PAQR4: variants seen among roughly 807,000 people sequenced by gnomAD.
PAQR4 encodes the protein progestin and adipoQ receptor family member 4.
In PAQR4, 26 loss-of-function variants were observed where a neutral mutation model predicts 20.9. The observed-to-expected ratio is 1.24, with a 90% CI of 0.91 to 1.73. The LOEUF is 1.73. Ranked by LOEUF, PAQR4 falls within the 40% of genes most tolerant of loss-of-function variation. The probability of loss-of-function intolerance (pLI) is 0.00; values close to 1 mark genes in which losing one functional copy is unlikely to be tolerated. For missense variants in PAQR4, 400 were observed against 380.1 expected (o/e 1.05, Z -0.44); for synonymous variants, 193 against 171.6 (o/e 1.12, Z -0.97).
In PAQR4 at chr16:2,971,361, G is replaced by A; in HGVS notation, c.371G>A (p.Cys124Tyr). The A allele has an allele frequency of 3.1e-6, 5 of 1,609,804 alleles. No individual in the cohort carries two copies. Among genetic ancestry groups the A allele is most frequent in the Non-Finnish European group, 4.2e-6 (5 of 1,179,950 alleles). The change falls in exon 2 of 3, where the codon TGC becomes TAC. Residue 124 changes from cysteine (C) to tyrosine (Y), a missense_variant. Cys to Tyr is a radical substitution (Grantham distance 194). Coordinates refer to ENST00000318782, the MANE Select transcript of PAQR4 (RefSeq NM_152341.5). ...CTCGCCCTGGACATGTGTGGGGTCT[G>A]CCTTGTCAACACCCTTGGTGAGTCA... ...RLLALDMCGV[C>Y]LVNTLGALPI... is the part of the protein sequence containing the mutation.
chr16:2,972,461 A>T lies in PAQR4; in HGVS notation c.*513A>T. On this transcript the variant is annotated 3_prime_UTR_variant, in exon 3 of 3. Coordinates refer to ENST00000318782, the MANE Select transcript of PAQR4 (RefSeq NM_152341.5). ...TATGGAGTAAGGCATTCAGGACAAA[A>T]GGACCAAGGGGGCGTGGACCCGTCT... 1 of 697,872 alleles carries T rather than the reference A, an allele frequency of 1.4e-6. No homozygotes were observed. The allele number at this position is 697,872 out of a possible 1,614,324, so 43.2% of individuals were successfully genotyped here.
At position 2,971,862 on chromosome 16, in the gene PAQR4, C is replaced by T. The variant is rs763776105; in HGVS notation, c.736C>T (p.Leu246=). Residue 246 remains leucine, a synonymous_variant, in exon 3 of 3, where the codon CTG becomes TTG. Transcript: ENST00000318782. ...WGNSHQIMHL[L]SVGSILQLHA... ...CAACTCCCACCAGATCATGCACCTG[C>T]TGAGCGTGGGCTCCATCCTGCAGCT... 5.0e-6 allele frequency: 8 copies of T among 1,612,042 alleles called. No individual in the cohort carries two copies. Among genetic ancestry groups the T allele is most frequent in the Non-Finnish European group, 6.8e-6 (8 of 1,179,888 alleles).
rs1164830020 is a variant in PAQR4 at position 2,969,670 on chromosome 16, G to A, written c.-5G>A. 1.3e-6 allele frequency: 2 copies of A among 1,548,466 alleles called. No homozygotes were observed. Among genetic ancestry groups the A allele is most frequent in the Non-Finnish European group, 1.7e-6 (2 of 1,150,380 alleles). ...GGAGCACGGGCTGCCCGCGCGGTGC[G>A]GACCATGGCGTTCCTGGCCGGGCCG... On this transcript the variant is annotated 5_prime_UTR_variant, in exon 1 of 3. Transcript: ENST00000318782.
chr16:2,971,469 G>C (rs1031008957), intron 2 of PAQR4, 46 bp from the exon 3 acceptor site: 24 of 1,572,888 alleles, frequency 1.5e-5, no homozygotes, highest in Non-Finnish European at 2.0e-5. Flanking sequence ...AGGGCGGGTG[G>C]ACCCTCACAA....
In PAQR4 at chr16:2,971,850, A is replaced by T. The variant is rs143576357; in HGVS notation, c.724A>T (p.Ile242Phe). 1.1e-5 allele frequency: 17 copies of T among 1,612,302 alleles called. No homozygotes were observed. Among genetic ancestry groups the T allele is most frequent in the Non-Finnish European group, 1.4e-5 (17 of 1,179,910 alleles). The change falls in exon 3 of 3, where the codon ATC (isoleucine) becomes TTC (phenylalanine). Residue 242 changes from isoleucine to phenylalanine, a missense_variant. Coordinates refer to ENST00000318782, the MANE Select transcript of PAQR4 (RefSeq NM_152341.5). ...TGACTACTGGGGCAACTCCCACCAGATCATGCACCTGCTGAGCGTGGGCTC... is the reference window on the plus strand; with the variant it reads ...TGACTACTGGGGCAACTCCCACCAGTTCATGCACCTGCTGAGCGTGGGCTC... Reference protein sequence around the residue: ...RFDYWGNSHQIMHLLSVGSIL... With the variant: ...RFDYWGNSHQFMHLLSVGSIL...
intron 1 of PAQR4, 66 bp from the exon 2 acceptor site, chr16:2,971,091 T>C (rs1294952307): frequency 1.4e-5 from 21 of 1,494,236 alleles, no homozygotes; most frequent in Non-Finnish European, 1.9e-5. Flanking sequence ...CTGTGTTGTG[T>C]CTGAACCGTG....
At position 2,972,140 on chromosome 16, in the gene PAQR4, C is replaced by T; in HGVS notation, c.*192C>T. The T allele has an allele frequency of 1.7e-6, 1 of 599,588 alleles. No homozygotes were observed. Among genetic ancestry groups the T allele is most frequent in the Non-Finnish European group, 2.8e-6 (1 of 351,016 alleles). 37.1% of individuals were successfully genotyped at this position (599,588 alleles called of 1,614,324 possible). On this transcript the variant is annotated 3_prime_UTR_variant, in exon 3 of 3. Coordinates refer to ENST00000318782, the MANE Select transcript of PAQR4 (RefSeq NM_152341.5). ...ACGCCGTGGCGCTCCAACTTCCTTC[C>T]CTGCCTTTTCCCTCCAAGCTCCTAT...
rs1414434325 is a variant in PAQR4 at position 2,973,196 on chromosome 16, C to T, written c.*1248C>T. On this transcript the variant is annotated 3_prime_UTR_variant, in exon 3 of 3. Coordinates refer to ENST00000318782, the MANE Select transcript of PAQR4 (RefSeq NM_152341.5). ...CTCCCCACAGTCCGGGCCAGGACAG[C>T]CTCAGGGGAGAGTGAAGGCCTGCAG... is the stretch of plus-strand genomic sequence containing the variant. The T allele has an allele frequency of 1.3e-6, 2 of 1,515,136 alleles. No homozygotes were observed. The highest frequency in any genetic ancestry group is 1.4e-5 in the African/African-American group (1 of 72,896). 93.9% of individuals were successfully genotyped at this position (1,515,136 alleles called of 1,614,324 possible). A position where few individuals can be genotyped will look rare whatever the true frequency, so the allele number is the denominator to read the frequency against.
In PAQR4 at chr16:2,969,465, C is replaced by T; in HGVS notation, c.-210C>T. On this transcript the variant is annotated 5_prime_UTR_variant, in exon 1 of 3. Transcript: ENST00000318782. Reference sequence around the variant, plus strand: ...TCCGGTGCGTCCCCAGCCTCCGCCCCGGCGCGGGGGCGACGGACTCGCGCG... The same window carrying T: ...TCCGGTGCGTCCCCAGCCTCCGCCCTGGCGCGGGGGCGACGGACTCGCGCG... 3.1e-6 allele frequency: 1 copy of T among 319,532 alleles called. No homozygotes were observed. Among genetic ancestry groups the T allele is most frequent in the Non-Finnish European group, 5.3e-6 (1 of 189,210 alleles). 19.8% of individuals were successfully genotyped at this position (319,532 alleles called of 1,614,324 possible). A position where few individuals can be genotyped will look rare whatever the true frequency, so the allele number is the denominator to read the frequency against.
Position 2,971,686 on chromosome 16 carries a change from T to C in PAQR4, c.560T>C (p.Val187Ala), listed in dbSNP as rs766141319. 4 of 1,611,962 alleles carry C rather than the reference T, an allele frequency of 2.5e-6. No individual in the cohort carries two copies. In the South Asian group the frequency reaches 3.3e-5, roughly 13 times the overall value. Residue 187 changes from valine to alanine, a missense_variant, in exon 3 of 3, where the codon GTA becomes GCA. Transcript: ENST00000318782. ...TGGCAGGCTGCTGCCCGCCTACTGG[T>C]ATTTGGGGCCCGGGGAGTGGGTCTG... ...FGWQAAARLL[V>A]FGARGVGLGS...
rs2072003778 is a variant in PAQR4 at position 2,971,846 on chromosome 16, C to A, written c.720C>A (p.His240Gln). Residue 240 changes from histidine (H) to glutamine (Q), a missense_variant, in exon 3 of 3, where the codon CAC becomes CAA. His to Gln is a conservative substitution (Grantham distance 24). Coordinates refer to ENST00000318782, the MANE Select transcript of PAQR4 (RefSeq NM_152341.5). ...PGRFDYWGNS[H>Q]QIMHLLSVGS... ...GCTTTGACTACTGGGGCAACTCCCA[C>A]CAGATCATGCACCTGCTGAGCGTGG... 1 of 1,612,356 alleles carries A rather than the reference C, an allele frequency of 6.2e-7. No homozygotes were observed. Among genetic ancestry groups the A allele is most frequent in the East Asian group, 2.2e-5 (1 of 44,896 alleles).
rs759127970 is a variant in PAQR4, at chr16:2,969,791, G to A, written c.117G>A (p.Leu39=). The stretch of plus-strand genomic sequence containing the variant: ...CCGCCAGCAGCGGCTCGGGCTGCCT[G>A]CGCAGCCTCTTCTACCTGCACAACG... The part of the protein sequence containing the change: ...YRPASSGSGC[L]RSLFYLHNEL... Residue 39 remains leucine (L), a synonymous_variant, in exon 1 of 3, where the codon CTG becomes CTA. Transcript: ENST00000318782. 6.2e-7 allele frequency: 1 copy of A among 1,607,394 alleles called. No homozygotes were observed. Among genetic ancestry groups the A allele is most frequent in the Admixed American group, 1.7e-5 (1 of 59,762 alleles).
At chr16:2,970,830 G>A (rs768309719) in intron 1 of PAQR4, 1 of 513,074 alleles carries the variant, frequency 1.9e-6, no homozygotes, top group East Asian at 3.4e-5. Context: ...GGGGAGAGCA[G>A]TGTGGGAGTG....
rs1470890258 is a variant in PAQR4, at chr16:2,972,337, G to A, written c.*389G>A. Reference sequence around the variant, plus strand: ...CACCCTATCCTGTTCCTCCCACCAGGCCTGTGGCCAGTCTTCCTGATCTCC... The same window carrying A: ...CACCCTATCCTGTTCCTCCCACCAGACCTGTGGCCAGTCTTCCTGATCTCC... On this transcript the variant is annotated 3_prime_UTR_variant, in exon 3 of 3. Transcript: ENST00000318782. The A allele has an allele frequency of 1.1e-5, 6 of 524,910 alleles. No individual in the cohort carries two copies. Among genetic ancestry groups the A allele is most frequent in the Non-Finnish European group, 2.0e-5 (6 of 294,764 alleles). 32.5% of individuals were successfully genotyped at this position (524,910 alleles called of 1,614,324 possible).
rs751216827 is a variant in PAQR4, at chr16:2,969,725, G to C, written c.51G>C (p.Pro17=). The part of the protein sequence containing the change: ...PRLLDWASSP[P]HLQFNKFVLT... Reference sequence around the variant, plus strand: ...TGCTGGACTGGGCCAGCTCGCCGCCGCACCTGCAGTTCAATAAGTTCGTGC... The same window carrying C: ...TGCTGGACTGGGCCAGCTCGCCGCCCCACCTGCAGTTCAATAAGTTCGTGC... Residue 17 remains proline (P), a synonymous_variant, in exon 1 of 3, where the codon CCG becomes CCC. Coordinates refer to ENST00000318782, the MANE Select transcript of PAQR4 (RefSeq NM_152341.5). The C allele has an allele frequency of 6.2e-7, 1 of 1,606,762 alleles. No individual in the cohort carries two copies. The highest frequency in any genetic ancestry group is 8.5e-7 in the Non-Finnish European group (1 of 1,177,378).
rs763856642 is a variant in PAQR4, at chr16:2,969,800, C to A, written c.126C>A (p.Leu42=). 2.5e-6 allele frequency: 4 copies of A among 1,610,976 alleles called. No individual in the cohort carries two copies. The highest frequency in any genetic ancestry group is 3.4e-6 in the Non-Finnish European group (4 of 1,179,146). Residue 42 remains leucine (L), a synonymous_variant, in exon 1 of 3, where the codon CTC becomes CTA. Coordinates refer to ENST00000318782, the MANE Select transcript of PAQR4 (RefSeq NM_152341.5). ...ASSGSGCLRS[L]FYLHNELGNI... ...GCGGCTCGGGCTGCCTGCGCAGCCT[C>A]TTCTACCTGCACAACGAACTGGGCA... is the stretch of plus-strand genomic sequence containing the variant.
Position 2,973,195 on chromosome 16 carries a change from G to A in PAQR4, c.*1247G>A, listed in dbSNP as rs367908024. On this transcript the variant is annotated 3_prime_UTR_variant, in exon 3 of 3. Transcript: ENST00000318782. Reference sequence around the variant, plus strand: ...GCTCCCCACAGTCCGGGCCAGGACAGCCTCAGGGGAGAGTGAAGGCCTGCA... The same window carrying A: ...GCTCCCCACAGTCCGGGCCAGGACAACCTCAGGGGAGAGTGAAGGCCTGCA... 1 of 1,514,662 alleles carries A rather than the reference G, an allele frequency of 6.6e-7. No homozygotes were observed. Among genetic ancestry groups the A allele is most frequent in the African/African-American group, 1.4e-5 (1 of 73,016 alleles). 93.8% of individuals were successfully genotyped at this position (1,514,662 alleles called of 1,614,324 possible).
Position 2,969,664 on chromosome 16 carries a change from C to T in PAQR4, c.-11C>T. 6.6e-7 allele frequency: 1 copy of T among 1,518,360 alleles called. No homozygotes were observed. The allele number at this position is 1,518,360 out of a possible 1,614,324, so 94.1% of individuals were successfully genotyped here. ...ACAGCAGGAGCACGGGCTGCCCGCG[C>T]GGTGCGGACCATGGCGTTCCTGGCC... is the stretch of plus-strand genomic sequence containing the variant. On this transcript the variant is annotated 5_prime_UTR_variant, in exon 1 of 3. Coordinates refer to ENST00000318782, the MANE Select transcript of PAQR4 (RefSeq NM_152341.5).
Position 2,971,301 on chromosome 16 carries a change from G to A in PAQR4, c.311G>A (p.Cys104Tyr). 1 of 1,612,760 alleles carries A rather than the reference G, an allele frequency of 6.2e-7. No individual in the cohort carries two copies. Among genetic ancestry groups the A allele is most frequent in the Non-Finnish European group, 8.5e-7 (1 of 1,180,004 alleles). The change falls in exon 2 of 3, where the codon TGC (cysteine) becomes TAC (tyrosine). Residue 104 changes from cysteine (C) to tyrosine (Y), a missense_variant. Cys to Tyr is a radical substitution (Grantham distance 194, BLOSUM62 -2). Transcript: ENST00000318782. ...AGSVLYHLFM[C>Y]HQGGSAVYAR... ...TCCGTGCTCTATCACCTCTTTATGT[G>A]CCACCAAGGGGGCAGCGCTGTGTAC...
Sources: allele counts gnomAD v4.1 joint callset, GRCh38; gene constraint gnomAD v4.1.1; transcripts MANE v1.5; gene names NCBI Gene and HGNC (gene_info 2026-07-23, HGNC 2026-07-21).